LRMDA: variants seen among roughly 807,000 people sequenced by gnomAD.
LRMDA encodes the protein leucine-rich melanocyte differentiation-associated protein.
A neutral mutation model predicts 29.8 loss-of-function variants in LRMDA; 18 were observed. The ratio of observed to expected loss-of-function variants is 0.60; its 90% CI spans 0.42 to 0.90. The LOEUF (loss-of-function observed/expected upper bound fraction) is 0.90, where lower values mean the gene tolerates loss of function less well. LRMDA is among the 40% of genes least tolerant of loss of function. LRMDA has a pLI of 0.00. For missense variants in LRMDA, 273 were observed against 273.9 expected (o/e 1.00, Z 0.02); for synonymous variants, 125 against 109.4 (o/e 1.14, Z -0.89).
At chr10:76,062,024 G>A (rs1042204399) in intron 5 of LRMDA, among the ~76,000 whole-genome samples, 1 of 152,150 alleles carries the variant, frequency 6.6e-6, no homozygotes, top group Non-Finnish European at 1.5e-5. Context: ...GTGTATACCC[G>A]CTTCCGTCTC....
intron 2 of LRMDA, among the ~76,000 whole-genome samples, chr10:75,564,012 C>T (rs918791781): frequency 5.3e-5 from 8 of 152,182 alleles, no homozygotes; most frequent in Non-Finnish European, 7.3e-5. Flanking sequence ...GTAGTCTGCC[C>T]GTTCTCAGAT....
intron 5 of LRMDA, among the ~76,000 whole-genome samples, chr10:76,179,204 C>T (rs1280635882): frequency 6.6e-6 from 1 of 152,152 alleles, no homozygotes; most frequent in African/African-American, 2.4e-5. Flanking sequence ...CTGCAACCTT[C>T]CATTGCATGA....
At chr10:76,330,587 T>G (rs1283724072) in intron 6 of LRMDA, among the ~76,000 whole-genome samples, 2 of 152,108 alleles carry the variant, frequency 1.3e-5, no homozygotes, top group Non-Finnish European at 2.9e-5. Context: ...GAATTCTGGT[T>G]TCTATAACTC....
intron 6 of LRMDA, among the ~76,000 whole-genome samples, chr10:76,546,223 G>A (rs772491044): frequency 3.9e-5 from 6 of 152,184 alleles, no homozygotes; most frequent in Admixed American, 6.5e-5. Flanking sequence ...ATGCATGGGC[G>A]AAAGTCTATT....
chr10:76,326,168 C>A (rs1840831417), intron 6 of LRMDA, among the ~76,000 whole-genome samples: 1 of 152,058 alleles, frequency 6.6e-6, no homozygotes. Flanking sequence ...GGGCTGATGG[C>A]CATAAGGAGA....
intron 5 of LRMDA, among the ~76,000 whole-genome samples, chr10:76,265,115 A>G (rs974161848): frequency 6.6e-6 from 1 of 152,164 alleles, no homozygotes; most frequent in African/African-American, 2.4e-5. Flanking sequence ...GGGCCTGCAC[A>G]GGGGCACTCT....
intron 2 of LRMDA, among the ~76,000 whole-genome samples, chr10:75,687,386 G>A (rs1320473124): frequency 1.3e-5 from 2 of 152,190 alleles, no homozygotes; most frequent in African/African-American, 2.4e-5. Context: ...GAAAGTTTTT[G>A]TGGTCTAGGT....
rs551891620 is a variant in LRMDA at position 76,286,568 on chromosome 10, AGGCT to A, written c.517-37832_517-37829del. 5.3e-4 allele frequency among the ~76,000 whole-genome samples: 81 copies of A among 152,304 alleles called. 1 individual carries two copies. Among genetic ancestry groups the A allele is most frequent in the Non-Finnish European group, 9.7e-4 (66 of 68,026 alleles). On this transcript the variant is annotated intron_variant, in intron 5 of 6. Transcript: ENST00000611255. Reference sequence around the variant, plus strand: ...AGGATGAGACCAGCTGATGGGCTTCAGGCTCTCAGACTCCCACCCCTTTGTGCAG... The same window carrying A: ...AGGATGAGACCAGCTGATGGGCTTCACTCAGACTCCCACCCCTTTGTGCAG...
chr10:76,295,866 T>G (rs1485412023), intron 5 of LRMDA, among the ~76,000 whole-genome samples: 1 of 152,182 alleles, frequency 6.6e-6, no homozygotes, highest in Non-Finnish European at 1.5e-5. Flanking sequence ...GTCACCTCTT[T>G]GCTAATCTTC....
chr10:75,509,871 T>G (rs1402900492), intron 2 of LRMDA, among the ~76,000 whole-genome samples: 3 of 152,216 alleles, frequency 2.0e-5, no homozygotes, highest in Admixed American at 1.3e-4. Flanking sequence ...TTGAGGCTCT[T>G]ACAGCCTGTC....
chr10:75,651,068 C>T (rs1383429023), intron 2 of LRMDA, among the ~76,000 whole-genome samples: 1 of 152,198 alleles, frequency 6.6e-6, no homozygotes, highest in Non-Finnish European at 1.5e-5. Flanking sequence ...GTCTTTTTCT[C>T]TCCTGACATT....
At chr10:76,355,804 C>T (rs1395163627) in intron 6 of LRMDA, among the ~76,000 whole-genome samples, 1 of 152,088 alleles carries the variant, frequency 6.6e-6, no homozygotes, top group Non-Finnish European at 1.5e-5. Flanking sequence ...TGAATGTGGG[C>T]CCAAATTATT....
At chr10:76,393,713 G>A (rs997779844) in intron 6 of LRMDA, among the ~76,000 whole-genome samples, 8 of 152,080 alleles carry the variant, frequency 5.3e-5, no homozygotes, top group African/African-American at 1.9e-4. Flanking sequence ...TGCTTTTGGG[G>A]TGACATCCAA....
At chr10:75,894,833 T>C (rs1174457150) in intron 2 of LRMDA, among the ~76,000 whole-genome samples, 1 of 152,168 alleles carries the variant, frequency 6.6e-6, no homozygotes, top group African/African-American at 2.4e-5. Context: ...AAAAAACAAC[T>C]TTTAGATCAT....
At chr10:76,050,851 A>C (rs545909861) in intron 4 of LRMDA, among the ~76,000 whole-genome samples, 1 of 152,230 alleles carries the variant, frequency 6.6e-6, no homozygotes, top group Non-Finnish European at 1.5e-5. Context: ...GAAGGTTAAC[A>C]GTAGACAAGT....
intron 2 of LRMDA, among the ~76,000 whole-genome samples, chr10:75,479,273 C>T (rs985551719): frequency 1.3e-5 from 2 of 151,954 alleles, no homozygotes; most frequent in East Asian, 3.9e-4. Context: ...TTTGGGAGGC[C>T]GAGGCGGGTG....
intron 1 of LRMDA, among the ~76,000 whole-genome samples, chr10:75,435,788 C>G (rs1844257316): frequency 6.6e-6 from 1 of 152,172 alleles, no homozygotes; most frequent in Admixed American, 6.5e-5. Context: ...AAATATCCCT[C>G]TCTTTTCCCA....
chr10:76,408,433 G>A (rs76396748), intron 6 of LRMDA, among the ~76,000 whole-genome samples: 634 of 152,190 alleles, frequency 4.2e-3, no homozygotes, highest in African/African-American at 0.014. Flanking sequence ...ATTATGTACC[G>A]AGAATTATGT....
intron 6 of LRMDA, among the ~76,000 whole-genome samples, chr10:76,439,227 G>T (rs548188270): frequency 2.6e-4 from 40 of 152,268 alleles, no homozygotes; most frequent in African/African-American, 9.6e-4. Context: ...GACTCTAAAA[G>T]AAATGCAGTA....
Sources: allele counts gnomAD v4.1 joint callset (sites outside exome capture counted in the v4.1 genomes callset), GRCh38; gene constraint gnomAD v4.1.1; transcripts MANE v1.5; gene names NCBI Gene and HGNC (gene_info 2026-07-23, HGNC 2026-07-21).